The following NRXN1 variants were observed in gnomAD, a reference collection of about 807,000 sequenced individuals.
NRXN1 encodes neurexin-1.
In NRXN1, 39 loss-of-function variants were observed where a neutral mutation model predicts 150.9. The ratio of observed to expected loss-of-function variants is 0.26; its 90% CI spans 0.20 to 0.34. The LOEUF is 0.34. Among genes scored for constraint, NRXN1 ranks in the 10% least tolerant of loss-of-function variants. NRXN1 has a pLI of 1.00. For synonymous variants in NRXN1, 924 were observed against 757.0 expected (o/e 1.22, Z -3.62); for missense variants, 1,815 against 1,949.9 (o/e 0.93, Z 1.30).
At chr2:50,552,511 G>C in intron 9 of NRXN1, 76 bp downstream of exon 9, 9 of 1,141,380 alleles carry the variant, frequency 7.9e-6, no homozygotes, top group Non-Finnish European at 1.2e-5. Context: ...ATATGTCTTG[G>C]TTTTCACTTT....
intron 17 of NRXN1, among the ~76,000 whole-genome samples, chr2:50,277,353 G>C (rs986459459): frequency 1.0e-4 from 7 of 66,806 alleles, no homozygotes; most frequent in Non-Finnish European, 2.3e-4. Flanking sequence ...AGTTGACATT[G>C]CTTGGCCAAG....
chr2:50,677,041 C>T (rs1689647831), intron 5 of NRXN1, among the ~76,000 whole-genome samples: 1 of 152,130 alleles, frequency 6.6e-6, no homozygotes, highest in Non-Finnish European at 1.5e-5. Context: ...TGTTCTCATC[C>T]TACTCCTTCT....
intron 2 of NRXN1, among the ~76,000 whole-genome samples, chr2:50,946,212 G>C (rs953651256): frequency 2.0e-5 from 3 of 152,016 alleles, no homozygotes; most frequent in Non-Finnish European, 2.9e-5. Flanking sequence ...AGTAAGTTTG[G>C]AAATGCTGCA....
chr2:50,799,392 T>A (rs1707278070), intron 5 of NRXN1, among the ~76,000 whole-genome samples: 1 of 152,148 alleles, frequency 6.6e-6, no homozygotes, highest in East Asian at 1.9e-4. Context: ...GAGATGGAGA[T>A]GAGCCACAAA....
chr2:50,573,651 G>A (rs1005972980), intron 8 of NRXN1, among the ~76,000 whole-genome samples: 1 of 151,894 alleles, frequency 6.6e-6, no homozygotes, highest in Non-Finnish European at 1.5e-5. Flanking sequence ...ATCCCAAAGA[G>A]ATGTAAACCT....
intron 17 of NRXN1, among the ~76,000 whole-genome samples, chr2:50,308,763 T>C (rs572587582): frequency 4.3e-4 from 65 of 152,314 alleles, no homozygotes; most frequent in African/African-American, 1.5e-3. Context: ...TTCATTTTCA[T>C]TGACAGGCAT....
chr2:50,302,092 A>G lies in NRXN1; in HGVS notation c.3365-65122T>C, dbSNP rs578257209. On this transcript the variant is annotated intron_variant, in intron 17 of 22. Coordinates refer to ENST00000401669, the MANE Select transcript of NRXN1 (RefSeq NM_001330078.2). ...TTAAGAACCAGAAGTTGTTGGGGCAATGAAGATATGTAGGAAAAAAAATGA... is the reference window on the plus strand; with the variant it reads ...TTAAGAACCAGAAGTTGTTGGGGCAGTGAAGATATGTAGGAAAAAAAATGA... Among the ~76,000 whole-genome samples the G allele has an allele frequency of 5.8e-5, 8 of 137,230 alleles. No homozygotes were observed. The East Asian group carries it at 1.7e-3, about 29-fold the overall frequency. The allele number at this position is 137,230 out of a possible 152,430, so 90.0% of individuals were successfully genotyped here. A position where few individuals can be genotyped will look rare whatever the true frequency, so the allele number is the denominator to read the frequency against.
intron 5 of NRXN1, among the ~76,000 whole-genome samples, chr2:50,682,407 G>T (rs1690538739): frequency 6.6e-6 from 1 of 151,994 alleles, no homozygotes; most frequent in Non-Finnish European, 1.5e-5. Flanking sequence ...GTAAGAATAG[G>T]CTTTGAACAC....
chr2:50,639,461 T>A (rs1435026190), intron 5 of NRXN1, among the ~76,000 whole-genome samples: 3 of 151,960 alleles, frequency 2.0e-5, no homozygotes, highest in Non-Finnish European at 4.4e-5. Flanking sequence ...CCTCAAGTGA[T>A]CTGCCTGTCT....
At chr2:50,984,725 G>A (rs1697419108) in intron 2 of NRXN1, among the ~76,000 whole-genome samples, 1 of 152,080 alleles carries the variant, frequency 6.6e-6, no homozygotes, top group Non-Finnish European at 1.5e-5. Context: ...GGGCACCAGA[G>A]TTGTGCCCTT....
At chr2:50,711,053 A>G (rs1051852556) in intron 5 of NRXN1, among the ~76,000 whole-genome samples, 1 of 152,164 alleles carries the variant, frequency 6.6e-6, no homozygotes, top group Non-Finnish European at 1.5e-5. Flanking sequence ...TATAAAATAG[A>G]AACTTCTGTG....
At chr2:50,878,891 AC>A (rs1157043132) in intron 5 of NRXN1, among the ~76,000 whole-genome samples, 1 of 151,996 alleles carries the variant, frequency 6.6e-6, no homozygotes, top group Admixed American at 6.6e-5. Flanking sequence ...CTTTAACAGT[AC>A]TATTAATACA....
intron 13 of NRXN1, among the ~76,000 whole-genome samples, chr2:50,499,876 A>T (rs929669195): frequency 3.4e-5 from 5 of 145,128 alleles, no homozygotes; most frequent in Non-Finnish European, 7.4e-5. Flanking sequence ...TGAACCTGGG[A>T]GGCGGAGGTT....
At chr2:50,844,788 G>A (rs1303632360) in intron 5 of NRXN1, among the ~76,000 whole-genome samples, 1 of 152,122 alleles carries the variant, frequency 6.6e-6, no homozygotes, top group African/African-American at 2.4e-5. Context: ...ATCATGGAAT[G>A]GAAAGTTATA....
Position 50,541,673 on chromosome 2 carries a change from G to A in NRXN1, c.1760-3037C>T, listed in dbSNP as rs372383660. ...GAGACCACAATTTTCAAATATCCCA[G>A]TGCACACTTAAACACACATCCACCC... On this transcript the variant is annotated intron_variant, in intron 9 of 22. Transcript: ENST00000401669. Among the ~76,000 whole-genome samples the A allele has an allele frequency of 2.1e-4, 32 of 151,488 alleles. 1 individual carries two copies. Among genetic ancestry groups the A allele is most frequent in the African/African-American group, 7.5e-4 (31 of 41,186 alleles).
At position 50,084,273 on chromosome 2, in the gene NRXN1, G is replaced by C. The variant is rs1698444864; in HGVS notation, c.3718+7050C>G. On this transcript the variant is annotated intron_variant, in intron 19 of 22. Coordinates refer to ENST00000401669, the MANE Select transcript of NRXN1 (RefSeq NM_001330078.2). ...GAGACTGGGTGCCGCGGAGCAGGGGGCCGCACAGGAGCCCGTGGCGGGGGG... is the reference window on the plus strand; with the variant it reads ...GAGACTGGGTGCCGCGGAGCAGGGGCCCGCACAGGAGCCCGTGGCGGGGGG... Among the ~76,000 whole-genome samples, 6 of 152,208 alleles carry C rather than the reference G, an allele frequency of 3.9e-5. No homozygotes were observed. The South Asian group carries it at 1.2e-3, about 31-fold the overall frequency.
intron 17 of NRXN1, among the ~76,000 whole-genome samples, chr2:50,319,241 T>C (rs922745422): frequency 2.6e-5 from 4 of 152,154 alleles, no homozygotes; most frequent in Admixed American, 6.6e-5. Context: ...TTCATTTTTA[T>C]AGCATTCCCT....
intron 5 of NRXN1, among the ~76,000 whole-genome samples, chr2:50,683,646 A>AAAAAAAAAAAAAAAAAAAAATATAT: frequency 2.0e-4 from 3 of 14,904 alleles, no homozygotes; most frequent in African/African-American, 1.1e-3. Flanking sequence ...AAAAAAAAAA[A>AAAAAAAAAAAAAAAAAAAAATATAT]ATATATATAT....
chr2:50,411,657 G>A (rs1163248996), intron 17 of NRXN1, among the ~76,000 whole-genome samples: 1 of 151,096 alleles, frequency 6.6e-6, no homozygotes, highest in East Asian at 2.0e-4. Flanking sequence ...TGAGAAGTGA[G>A]GAGCCCCTCC....
Sources: allele counts gnomAD v4.1 joint callset (sites outside exome capture counted in the v4.1 genomes callset), GRCh38; gene constraint gnomAD v4.1.1; transcripts MANE v1.5; gene names NCBI Gene and HGNC (gene_info 2026-07-23, HGNC 2026-07-21).